NBDY: variants seen among roughly 807,000 people sequenced by gnomAD.
The protein encoded by NBDY is P-body dissociating protein.
chrX:56,731,002 G>T (rs1378392946), intron 1 of NBDY, among the ~76,000 whole-genome samples: 6 of 110,939 alleles, frequency 5.4e-5, no homozygotes. Flanking sequence ...GGATGGCCAA[G>T]GCATAGTGCC....
chrX:56,794,384 C>T (rs1450352518), intron 2 of NBDY, among the ~76,000 whole-genome samples: 1 of 111,891 alleles, frequency 8.9e-6, no homozygotes, highest in African/African-American at 3.3e-5. Context: ...CATTTCCTGC[C>T]AACTGAACAA....
intron 2 of NBDY, among the ~76,000 whole-genome samples, chrX:56,749,820 T>G (rs780388918): frequency 1.2e-4 from 13 of 110,182 alleles, no homozygotes; most frequent in Non-Finnish European, 2.5e-4. Flanking sequence ...CCCAGCTAAT[T>G]TTTGCGTTTG....
At position 56,757,268 on chromosome X, in the gene NBDY, C is replaced by T. The variant is rs182335593; in HGVS notation, c.*166+25069C>T. On this transcript the variant is annotated intron_variant, in intron 2 of 2. Coordinates refer to ENST00000374922, the MANE Select transcript of NBDY (RefSeq NM_001348129.2). ...AAGGTTTGTAGAAGTGCATCTTGTA[C>T]TCTGCAGAGGAATAGGATGACAAAT... Among the ~76,000 whole-genome samples the T allele has an allele frequency of 3.6e-5, 4 of 111,959 alleles. No homozygotes were observed. The East Asian group carries it at 1.1e-3, about 31-fold the overall frequency.
intron 2 of NBDY, among the ~76,000 whole-genome samples, chrX:56,732,901 G>A (rs1006939416): frequency 5.4e-5 from 6 of 110,916 alleles, no homozygotes; most frequent in Non-Finnish European, 7.6e-5. Flanking sequence ...ATTTTCTAAT[G>A]TATTTCTTGC....
intron 2 of NBDY, among the ~76,000 whole-genome samples, chrX:56,807,733 T>C (rs1229977954): frequency 2.7e-5 from 3 of 112,118 alleles, no homozygotes; most frequent in African/African-American, 9.7e-5. Context: ...GATGGGGTTT[T>C]CTAAATATAC....
intron 2 of NBDY, among the ~76,000 whole-genome samples, chrX:56,734,955 G>A (rs1261442084): frequency 1.1e-4 from 12 of 112,083 alleles, no homozygotes; most frequent in East Asian, 5.6e-4. Flanking sequence ...CTGAAGCACG[G>A]AGAGGTTAAA....
At chrX:56,799,034 G>A (rs1365762537) in intron 2 of NBDY, among the ~76,000 whole-genome samples, 1 of 112,340 alleles carries the variant, frequency 8.9e-6, no homozygotes, top group Non-Finnish European at 1.9e-5. Context: ...GAGCTCATGT[G>A]CTGAGGAACG....
At chrX:56,756,569 C>G (rs1204690235) in intron 2 of NBDY, among the ~76,000 whole-genome samples, 1 of 111,491 alleles carries the variant, frequency 9.0e-6, no homozygotes, top group African/African-American at 3.3e-5. Context: ...AAAACATTGC[C>G]TCTGTCAATG....
chrX:56,757,182 C>T (rs760095682), intron 2 of NBDY, among the ~76,000 whole-genome samples: 15 of 111,525 alleles, frequency 1.3e-4, no homozygotes, highest in Non-Finnish European at 2.3e-4. Context: ...ATTCAGTGTC[C>T]ACAAGAGACA....
intron 2 of NBDY, among the ~76,000 whole-genome samples, chrX:56,749,290 A>G (rs1472488143): frequency 9.0e-6 from 1 of 111,395 alleles, no homozygotes; most frequent in Non-Finnish European, 1.9e-5. Flanking sequence ...AATTTTCTAT[A>G]TCCCATACAA....
chrX:56,758,226 G>T (rs1170725196), intron 2 of NBDY, among the ~76,000 whole-genome samples: 3 of 107,851 alleles, frequency 2.8e-5, no homozygotes, highest in Non-Finnish European at 5.7e-5. Flanking sequence ...TAAGGCAAGA[G>T]AATTGCTTGA....
At position 56,732,179 on chromosome X, in the gene NBDY, C is replaced by G. The variant is rs2069462735; in HGVS notation, c.*146C>G. The G allele has an allele frequency of 3.4e-6, 1 of 294,257 alleles. No individual in the cohort carries two copies. The highest frequency in any genetic ancestry group is 5.9e-6 in the Non-Finnish European group (1 of 169,450). The allele number at this position is 294,257 out of a possible 1,213,427, so 24.3% of individuals were successfully genotyped here. ...CCCTGCTTTTTCTGGTGTCCTGAACCTGGAAGTTGTGCTTTTTAAGGTAAT... is the reference window on the plus strand; with the variant it reads ...CCCTGCTTTTTCTGGTGTCCTGAACGTGGAAGTTGTGCTTTTTAAGGTAAT... On this transcript the variant is annotated 3_prime_UTR_variant, in exon 2 of 3. Coordinates refer to ENST00000374922, the MANE Select transcript of NBDY (RefSeq NM_001348129.2).
intron 2 of NBDY, among the ~76,000 whole-genome samples, chrX:56,798,537 C>A (rs1391956415): frequency 8.9e-6 from 1 of 111,886 alleles, no homozygotes. Flanking sequence ...ATCTGCCAGC[C>A]CAAGGCGGTA....
At chrX:56,793,013 G>A (rs1194496478) in intron 2 of NBDY, among the ~76,000 whole-genome samples, 2 of 111,498 alleles carry the variant, frequency 1.8e-5, no homozygotes, top group Non-Finnish European at 3.8e-5. Flanking sequence ...CAGCCTCCCT[G>A]AGCCACCATC....
intron 2 of NBDY, among the ~76,000 whole-genome samples, chrX:56,783,309 T>C (rs2069706786): frequency 8.9e-6 from 1 of 112,833 alleles, no homozygotes; most frequent in African/African-American, 3.2e-5. Context: ...CGCCCAACAC[T>C]CAACACGCCG....
intron 2 of NBDY, among the ~76,000 whole-genome samples, chrX:56,795,328 A>T (rs1335791757): frequency 8.9e-6 from 1 of 112,028 alleles, no homozygotes; most frequent in Non-Finnish European, 1.9e-5. Flanking sequence ...ATGGTCGAGG[A>T]CAAATTATGC....
intron 2 of NBDY, among the ~76,000 whole-genome samples, chrX:56,732,830 T>G (rs999275725): frequency 1.8e-5 from 2 of 111,748 alleles, no homozygotes; most frequent in South Asian, 3.7e-4. Context: ...TACTGCCACT[T>G]TCATATCCTT....
At chrX:56,747,082 A>G (rs1213187819) in intron 2 of NBDY, among the ~76,000 whole-genome samples, 3 of 112,085 alleles carry the variant, frequency 2.7e-5, no homozygotes, top group African/African-American at 9.7e-5. Flanking sequence ...CACAGATTTT[A>G]TTATAGCAGC....
chrX:56,817,449 A>T lies in NBDY; in HGVS notation c.*296A>T, dbSNP rs964877646. The T allele has an allele frequency of 1.8e-5, 2 of 111,884 alleles. No individual in the cohort carries two copies. The highest frequency in any genetic ancestry group is 3.8e-5 in the Non-Finnish European group (2 of 53,213). The allele number at this position is 111,884 out of a possible 1,213,427, so 9.2% of individuals were successfully genotyped here. A position where few individuals can be genotyped will look rare whatever the true frequency, so the allele number is the denominator to read the frequency against. On this transcript the variant is annotated 3_prime_UTR_variant, in exon 3 of 3. Coordinates refer to ENST00000374922, the MANE Select transcript of NBDY (RefSeq NM_001348129.2). ...GATCATGGTGAACTTACCAAAGCAA[A>T]CAATGCCTGTGAGATGGTCCTGCAG...
Sources: allele counts gnomAD v4.1 joint callset (sites outside exome capture counted in the v4.1 genomes callset), GRCh38; gene constraint gnomAD v4.1.1; transcripts MANE v1.5; gene names NCBI Gene and HGNC (gene_info 2026-07-23, HGNC 2026-07-21).